CPSF3: variants seen among roughly 807,000 people sequenced by gnomAD.
The protein encoded by CPSF3 is cleavage and polyadenylation specificity factor subunit 3.
Under a neutral mutation model 84.1 loss-of-function variants are expected in CPSF3, and 57 were observed. That is an observed-to-expected ratio of 0.68 (90% CI 0.55 to 0.85). CPSF3 has a LOEUF of 0.85. Ranked by LOEUF, CPSF3 falls within the 40% of genes least tolerant of loss-of-function variation. CPSF3 has a pLI of 0.00. For missense variants in CPSF3, 522 were observed against 838.8 expected (o/e 0.62, Z 4.66); for synonymous variants, 275 against 278.1 (o/e 0.99, Z 0.11).
At position 9,458,668 on chromosome 2, in the gene CPSF3, A is replaced by C. The variant is rs180782325; in HGVS notation, c.1699-863A>C. 1.3e-3 allele frequency among the ~76,000 whole-genome samples: 202 copies of C among 151,974 alleles called. 3 individuals are homozygous for C. The highest frequency in any genetic ancestry group is 4.6e-3 in the African/African-American group (190 of 41,470). On this transcript the variant is annotated intron_variant, in intron 14 of 17. Coordinates refer to ENST00000238112, the MANE Select transcript of CPSF3 (RefSeq NM_016207.4). ...TAATACAGCAAGACCCTGCCTCTATAATTCATTCATTCATTCATTCATTCA... is the reference window on the plus strand; with the variant it reads ...TAATACAGCAAGACCCTGCCTCTATCATTCATTCATTCATTCATTCATTCA...
chr2:9,451,652 C>CG (rs926118284), intron 11 of CPSF3, among the ~76,000 whole-genome samples: 2 of 151,830 alleles, frequency 1.3e-5, no homozygotes, highest in Admixed American at 1.3e-4. Flanking sequence ...GAGCGATGAT[C>CG]GCACCACTGC....
intron 7 of CPSF3, among the ~76,000 whole-genome samples, chr2:9,438,001 C>G (rs907435009): frequency 4.6e-5 from 7 of 151,918 alleles, no homozygotes; most frequent in African/African-American, 1.7e-4. Flanking sequence ...GACCCTGTCT[C>G]AAAAAAAAGC....
rs376289651 is a variant in CPSF3, at chr2:9,473,050, C to A, written c.*33C>A. The stretch of plus-strand genomic sequence containing the variant: ...CCTGTATATGAACTTTGAAAAAATA[C>A]TTGACTCTACTTTTGTTACCTAAAA... On this transcript the variant is annotated 3_prime_UTR_variant, in exon 18 of 18. Coordinates refer to ENST00000238112, the MANE Select transcript of CPSF3 (RefSeq NM_016207.4). The A allele has an allele frequency of 2.6e-5, 37 of 1,450,368 alleles. No homozygotes were observed. Among genetic ancestry groups the A allele is most frequent in the Admixed American group, 3.5e-5 (2 of 56,480 alleles). 89.8% of individuals were successfully genotyped at this position (1,450,368 alleles called of 1,614,324 possible).
At chr2:9,455,947 G>A (rs1681511039) in intron 13 of CPSF3, among the ~76,000 whole-genome samples, 190 bp downstream of exon 13, 1 of 150,992 alleles carries the variant, frequency 6.6e-6, no homozygotes. Context: ...CTTGCCTGAC[G>A]GTCCTGGGAA....
intron 7 of CPSF3, among the ~76,000 whole-genome samples, chr2:9,436,970 A>G (rs904505155): frequency 1.3e-5 from 2 of 152,092 alleles, no homozygotes; most frequent in Non-Finnish European, 2.9e-5. Flanking sequence ...TTTTGTCAGG[A>G]AAGGTATTCA....
intron 13 of CPSF3, among the ~76,000 whole-genome samples, chr2:9,456,124 T>A (rs1681517986): frequency 6.6e-6 from 1 of 152,308 alleles, no homozygotes; most frequent in Middle Eastern, 3.4e-3. Flanking sequence ...TTTTCTTTGA[T>A]CAGTGAAAAT....
chr2:9,435,428 C>CT lies in CPSF3; in HGVS notation c.610-768dup, dbSNP rs551125193. On this transcript the variant is annotated intron_variant, in intron 6 of 17. Coordinates refer to ENST00000238112, the MANE Select transcript of CPSF3 (RefSeq NM_016207.4). ...GTTCTTAGATTTGAATTCTAGCATT[C>CT]TTTTTTTTTTTTTTTGAGATGGAGT... Among the ~76,000 whole-genome samples the CT allele has an allele frequency of 3.2e-3, 446 of 140,862 alleles. 1 individual carries two copies. The highest frequency in any genetic ancestry group is 7.5e-3 in the Middle Eastern group (2 of 268). The allele number at this position is 140,862 out of a possible 152,430, so 92.4% of individuals were successfully genotyped here.
chr2:9,431,068 T>A (rs990431770), intron 4 of CPSF3, among the ~76,000 whole-genome samples, 188 bp downstream of exon 4: 1 of 152,144 alleles, frequency 6.6e-6, no homozygotes, highest in Non-Finnish European at 1.5e-5. Context: ...ACCTTGAAGG[T>A]TTTTTTGAGA....
chr2:9,435,510 C>T (rs974009115), intron 6 of CPSF3, among the ~76,000 whole-genome samples: 5 of 151,728 alleles, frequency 3.3e-5, no homozygotes, highest in African/African-American at 1.2e-4. Context: ...CAACCACTGC[C>T]TCCCAGGTTC....
chr2:9,457,375 A>G (rs1166928361), intron 14 of CPSF3, among the ~76,000 whole-genome samples: 1 of 152,158 alleles, frequency 6.6e-6, no homozygotes, highest in Non-Finnish European at 1.5e-5. Context: ...AGGTTTTACA[A>G]TTCTTAAGGT....
intron 1 of CPSF3, among the ~76,000 whole-genome samples, chr2:9,427,172 G>A (rs1039955049): frequency 7.9e-5 from 12 of 152,242 alleles, no homozygotes; most frequent in African/African-American, 2.9e-4. Context: ...GAGTTCCTCA[G>A]AAGGAGGGAG....
At chr2:9,471,239 A>G in intron 16 of CPSF3, 104 bp from the exon 17 acceptor site, 1 of 707,280 alleles carries the variant, frequency 1.4e-6, no homozygotes, top group Non-Finnish European at 2.5e-6. Context: ...AAAAGTAAAT[A>G]CAGTATTCTG....
At chr2:9,464,511 T>C (rs1396918668) in intron 15 of CPSF3, among the ~76,000 whole-genome samples, 1 of 152,064 alleles carries the variant, frequency 6.6e-6, no homozygotes, top group Non-Finnish European at 1.5e-5. Flanking sequence ...AATTAAAGTA[T>C]AAAATTCTGT....
At chr2:9,467,270 C>A (rs923588577) in intron 15 of CPSF3, among the ~76,000 whole-genome samples, 3 of 152,012 alleles carry the variant, frequency 2.0e-5, no homozygotes, top group Non-Finnish European at 4.4e-5. Flanking sequence ...ATAATTATAT[C>A]TAATAGAAAG....
At position 9,472,964 on chromosome 2, in the gene CPSF3, ATGG is replaced by A. The variant is rs758555935; in HGVS notation, c.2006_2008del (p.Val669del). On this transcript the variant is annotated inframe_deletion, in exon 18 of 18. Coordinates refer to ENST00000238112, the MANE Select transcript of CPSF3 (RefSeq NM_016207.4). ...TGAAGACGATGAATCCCTCCGAGAA[ATGG>A]TGGAGCTGGCTGCACAGAGACTGTA... is the stretch of plus-strand genomic sequence containing the variant. 9 of 1,614,118 alleles carry A rather than the reference ATGG, an allele frequency of 5.6e-6. No homozygotes were observed. The highest frequency in any genetic ancestry group is 7.6e-6 in the Non-Finnish European group (9 of 1,180,018).
chr2:9,450,546 G>C (rs754470337), intron 11 of CPSF3, among the ~76,000 whole-genome samples: 8 of 152,140 alleles, frequency 5.3e-5, no homozygotes, highest in Non-Finnish European at 1.0e-4. Context: ...CCAGGACTTT[G>C]GGAGGCTGAG....
intron 9 of CPSF3, among the ~76,000 whole-genome samples, chr2:9,443,268 G>A (rs958210475): frequency 4.1e-4 from 63 of 152,306 alleles, no homozygotes; most frequent in African/African-American, 1.4e-3. Flanking sequence ...AAGCATAAGA[G>A]TTATGATTCT....
At chr2:9,471,213 C>CAA (rs58209081) in intron 16 of CPSF3, 130 bp from the exon 17 acceptor site, 302 of 436,708 alleles carry the variant, frequency 6.9e-4, no homozygotes, top group African/African-American at 3.9e-3. Context: ...GACTCCATCT[C>CAA]AAAAAAAAAA....
chr2:9,435,286 A>T (rs778327915), intron 6 of CPSF3, among the ~76,000 whole-genome samples: 2 of 152,186 alleles, frequency 1.3e-5, no homozygotes, highest in Non-Finnish European at 2.9e-5. Flanking sequence ...TCTATTTTAA[A>T]AGCTTTGACT....
Sources: allele counts gnomAD v4.1 joint callset (sites outside exome capture counted in the v4.1 genomes callset), GRCh38; gene constraint gnomAD v4.1.1; transcripts MANE v1.5; gene names NCBI Gene and HGNC (gene_info 2026-07-23, HGNC 2026-07-21).